The following ANKHD1 variants were observed in gnomAD, a reference collection of about 807,000 sequenced individuals.
The protein encoded by ANKHD1 is ankyrin repeat and KH domain-containing protein 1.
ANKHD1 carries 31 observed loss-of-function variants against 230.5 expected under a neutral mutation model. The ratio of observed to expected loss-of-function variants is 0.13; its 90% confidence interval spans 0.10 to 0.18. The LOEUF (loss-of-function observed/expected upper bound fraction) is 0.18, where lower values mean the gene tolerates loss of function less well. ANKHD1 is among the 10% of genes least tolerant of loss of function. ANKHD1 has a pLI of 1.00. For synonymous variants in ANKHD1, 1,074 were observed against 1,117.6 expected (o/e 0.96, Z 0.78); for missense variants, 2,256 against 3,071.3 (o/e 0.73, Z 6.27).
chr5:140,470,757 G>C (rs973916542), intron 10 of ANKHD1, among the ~76,000 whole-genome samples: 1 of 151,734 alleles, frequency 6.6e-6, no homozygotes, highest in Non-Finnish European at 1.5e-5. Context: ...TGAGTAGTTG[G>C]AACTACGGGC....
At chr5:140,418,054 C>A (rs934037606) in intron 1 of ANKHD1, among the ~76,000 whole-genome samples, 3 of 150,664 alleles carry the variant, frequency 2.0e-5, no homozygotes, top group African/African-American at 7.3e-5. Context: ...GTTGTCCAGG[C>A]CAGTCTCAAA....
Position 140,538,169 on chromosome 5 carries a change from C to T in ANKHD1, c.7312C>T (p.His2438Tyr), listed in dbSNP as rs376380828. ...ATCAGACCCAAGCACATTCTCCCAA[C>T]ATCAGCCAATGGAGAGAGATGATTC... ...QLSDPSTFSQ[H>Y]QPMERDDSGM... is the part of the protein sequence containing the mutation. The change falls in exon 32 of 34, where the codon CAT becomes TAT. Residue 2438 changes from histidine to tyrosine, a missense_variant. By Grantham distance (83) the His-to-Tyr change is moderately conservative (BLOSUM62 2). Transcript: ENST00000360839. 27 of 1,614,224 alleles carry T rather than the reference C, an allele frequency of 1.7e-5. No individual in the cohort carries two copies. In the African/African-American group the frequency reaches 3.5e-4, roughly 21 times the overall value.
rs1298666446 is a variant in ANKHD1, at chr5:140,509,782, A to G, written c.3911A>G (p.His1304Arg). ...TALTIAADKG[H>R]YKFCELLIHR... is the part of the protein sequence containing the mutation. ...TTAACAATAGCAGCAGACAAAGGTC[A>G]CTACAAATTTTGTGAACTCCTGATT... The change falls in exon 21 of 34, where the codon CAC (histidine) becomes CGC (arginine). Residue 1304 changes from histidine to arginine, a missense_variant. Coordinates refer to ENST00000360839, the MANE Select transcript of ANKHD1 (RefSeq NM_017747.3). 2 of 1,611,646 alleles carry G rather than the reference A, an allele frequency of 1.2e-6. No homozygotes were observed. Among genetic ancestry groups the G allele is most frequent in the Non-Finnish European group, 1.7e-6 (2 of 1,179,500 alleles).
intron 10 of ANKHD1, among the ~76,000 whole-genome samples, chr5:140,469,473 C>T (rs559579899): frequency 4.6e-5 from 7 of 152,058 alleles, no homozygotes; most frequent in Admixed American, 1.3e-4. Flanking sequence ...CATCACTGCA[C>T]TCCAGCCGGG....
At chr5:140,414,570 G>A (rs572138074) in intron 1 of ANKHD1, among the ~76,000 whole-genome samples, 2 of 152,214 alleles carry the variant, frequency 1.3e-5, no homozygotes, top group South Asian at 2.1e-4. Context: ...AGTGGCTCAC[G>A]CCTGTAATCC....
chr5:140,453,990 A>G (rs191163606), intron 7 of ANKHD1, among the ~76,000 whole-genome samples: 5 of 152,360 alleles, frequency 3.3e-5, no homozygotes, highest in Non-Finnish European at 5.9e-5. Flanking sequence ...AGAGACACAC[A>G]TAGGTTCAAA....
Position 140,402,255 on chromosome 5 carries a change from C to T in ANKHD1, c.288C>T (p.Asp96=), listed in dbSNP as rs766547412. 3 of 1,499,132 alleles carry T rather than the reference C, an allele frequency of 2.0e-6. No individual in the cohort carries two copies. The highest frequency in any genetic ancestry group is 2.9e-5 in the African/African-American group (2 of 69,056). 92.9% of individuals were successfully genotyped at this position (1,499,132 alleles called of 1,614,324 possible). ...GTGGAGGTGGTGCCTCTGGCAGTGA[C>T]GAGGACGAAGTGTCCGAGGTAAGGC... is the stretch of plus-strand genomic sequence containing the variant. ...TGGGGGASGS[D]EDEVSEVESF... is the part of the protein sequence containing the mutation. Residue 96 remains aspartate (D), a synonymous_variant, in exon 1 of 34, where the codon GAC becomes GAT. Coordinates refer to ENST00000360839, the MANE Select transcript of ANKHD1 (RefSeq NM_017747.3).
At chr5:140,472,284 G>T (rs1581307032) in intron 10 of ANKHD1, 2 of 1,613,600 alleles carry the variant, frequency 1.2e-6, no homozygotes, top group Non-Finnish European at 8.5e-7. Flanking sequence ...CATAGATCCG[G>T]CCAAGCATCA....
intron 1 of ANKHD1, among the ~76,000 whole-genome samples, chr5:140,422,129 A>T (rs1164181979): frequency 6.6e-6 from 1 of 151,966 alleles, no homozygotes; most frequent in East Asian, 1.9e-4. Flanking sequence ...TTTAGAGTGG[A>T]TTGATTGATT....
At chr5:140,430,083 G>C (rs1486770629) in intron 1 of ANKHD1, among the ~76,000 whole-genome samples, 1 of 152,092 alleles carries the variant, frequency 6.6e-6, no homozygotes, top group Non-Finnish European at 1.5e-5. Flanking sequence ...TGTTTTAGTT[G>C]AAGCTAAAAA....
chr5:140,505,948 A>C, intron 18 of ANKHD1, 79 bp downstream of exon 18: 1 of 1,504,258 alleles, frequency 6.6e-7, no homozygotes, highest in Non-Finnish European at 8.8e-7. Flanking sequence ...TTTTAGCTAC[A>C]TGAATAAAAT....
At chr5:140,446,406 G>T (rs1450022708) in intron 6 of ANKHD1, among the ~76,000 whole-genome samples, 1 of 152,204 alleles carries the variant, frequency 6.6e-6, no homozygotes, top group East Asian at 1.9e-4. Flanking sequence ...TGTCACCCAG[G>T]CTGGAGTGCA....
In ANKHD1 at chr5:140,486,088, G is replaced by T. The variant is rs184301575; in HGVS notation, c.2142+356G>T. On this transcript the variant is annotated intron_variant, in intron 13 of 33. Coordinates refer to ENST00000360839, the MANE Select transcript of ANKHD1 (RefSeq NM_017747.3). The stretch of plus-strand genomic sequence containing the variant: ...TTTCTTTTGTTTTTTTTTTTGAGAT[G>T]GAGTCTTGCTCTGTTGCCCAGGCTG... 4.6e-4 allele frequency: 110 copies of T among 237,532 alleles called. 1 individual carries two copies. Among genetic ancestry groups the T allele is most frequent in the African/African-American group, 2.6e-3 (104 of 40,782 alleles). 14.7% of individuals were successfully genotyped at this position (237,532 alleles called of 1,614,324 possible).
intron 1 of ANKHD1, among the ~76,000 whole-genome samples, chr5:140,411,551 A>T (rs1158768259): frequency 1.5e-5 from 2 of 135,882 alleles, no homozygotes; most frequent in Non-Finnish European, 3.0e-5. Context: ...ACGGAGTCTC[A>T]CTCTGTTGCC....
At chr5:140,491,378 T>A (rs1751800115) in intron 14 of ANKHD1, among the ~76,000 whole-genome samples, 1 of 151,632 alleles carries the variant, frequency 6.6e-6, no homozygotes, top group African/African-American at 2.4e-5. Context: ...TTGCCCAGGC[T>A]GGTCTTGAAG....
At position 140,528,900 on chromosome 5, in the gene ANKHD1, C is replaced by A. The variant is rs746461749; in HGVS notation, c.5954C>A (p.Ser1985Tyr). ...TCTTCTGTGACAAGCACTTGTAGTTCCCTGCCTTCTGTCTCCTCTGCACCT... is the reference window on the plus strand; with the variant it reads ...TCTTCTGTGACAAGCACTTGTAGTTACCTGCCTTCTGTCTCCTCTGCACCT... ...VISSVTSTCS[S>Y]LPSVSSAPIT... Residue 1985 changes from serine to tyrosine, a missense_variant, in exon 29 of 34, where the codon TCC becomes TAC. Transcript: ENST00000360839. The A allele has an allele frequency of 1.2e-5, 20 of 1,614,064 alleles. No individual in the cohort carries two copies. Among genetic ancestry groups the A allele is most frequent in the African/African-American group, 8.0e-5 (6 of 74,930 alleles).
chr5:140,504,135 C>T (rs185243155), intron 15 of ANKHD1, among the ~76,000 whole-genome samples: 1 of 151,984 alleles, frequency 6.6e-6, no homozygotes, highest in African/African-American at 2.4e-5. Context: ...TCACTGCAGC[C>T]TCCACCTGGG....
chr5:140,458,604 T>A (rs1217379360), intron 7 of ANKHD1, 21 bp from the exon 8 acceptor site: 1 of 1,576,344 alleles, frequency 6.3e-7, no homozygotes, highest in East Asian at 2.3e-5. Context: ...TCCTTCTTTC[T>A]TTACTTCTGA....
intron 1 of ANKHD1, among the ~76,000 whole-genome samples, chr5:140,407,025 G>C (rs1000331230): frequency 6.6e-5 from 10 of 152,008 alleles, no homozygotes; most frequent in African/African-American, 2.2e-4. Flanking sequence ...GGCCTGGTGC[G>C]GTGGCTAACG....
Sources: gnomAD v4.1 joint callset for allele counts (sites outside exome capture counted in the v4.1 genomes callset) on GRCh38, gnomAD v4.1.1 for gene constraint, MANE v1.5 for transcripts, NCBI Gene and HGNC (gene_info 2026-07-23, HGNC 2026-07-21) for gene names.